Variants in EFHC1 observed in about 807,000 individuals in gnomAD.
The protein encoded by EFHC1 is EF-hand domain containing 1.
EFHC1 carries 53 observed loss-of-function variants against 69.9 expected under a neutral mutation model. The observed-to-expected ratio is 0.76, with a 90% CI of 0.61 to 0.95. EFHC1 has a LOEUF of 0.95. Ranked by LOEUF, EFHC1 falls within the 40% of genes least tolerant of loss-of-function variation. The probability of loss-of-function intolerance (pLI) is 0.00; values close to 1 mark genes in which losing one functional copy is unlikely to be tolerated. For synonymous variants in EFHC1, 256 were observed against 278.4 expected (o/e 0.92, Z 0.80); for missense variants, 739 against 798.7 (o/e 0.93, Z 0.90).
intron 7 of EFHC1, among the ~76,000 whole-genome samples, chr6:52,475,701 A>G (rs1334430255): frequency 1.3e-5 from 2 of 152,212 alleles, no homozygotes; most frequent in Non-Finnish European, 2.9e-5. Context: ...CTATATTTAT[A>G]TAGAAGAACA....
chr6:52,452,379 C>A (rs1429682210), intron 3 of EFHC1, among the ~76,000 whole-genome samples: 1 of 152,180 alleles, frequency 6.6e-6, no homozygotes, highest in Admixed American at 6.5e-5. Flanking sequence ...TGGCTCACTG[C>A]AGCCTTGACC....
rs16882561 is a variant in EFHC1, at chr6:52,464,712, G to A, written c.917-183G>A. ...ACAAAAACCGTATTATGTACGTGTCGTATCAACAGATGGAAATACACAGCC... is the reference window on the plus strand; with the variant it reads ...ACAAAAACCGTATTATGTACGTGTCATATCAACAGATGGAAATACACAGCC... On this transcript the variant is annotated intron_variant, in intron 5 of 10. Transcript: ENST00000371068. 0.072 allele frequency among the ~76,000 whole-genome samples: 10,938 copies of A among 152,176 alleles called. 793 individuals carry two copies. The highest frequency in any genetic ancestry group is 0.18 in the African/African-American group (7,603 of 41,478).
Position 52,495,576 on chromosome 6 carries a change from C to T in EFHC1, c.*3235C>T, listed in dbSNP as rs1392614471. Reference sequence around the variant, plus strand: ...TTAGCATCCTCTAGCCTGCTTTTGGCTGTTTTGTTTTGTTTTTGTGTTTGT... The same window carrying T: ...TTAGCATCCTCTAGCCTGCTTTTGGTTGTTTTGTTTTGTTTTTGTGTTTGT... On this transcript the variant is annotated 3_prime_UTR_variant, in exon 11 of 11. Transcript: ENST00000371068. The T allele has an allele frequency of 4.4e-6, 2 of 453,894 alleles. No individual in the cohort carries two copies. The highest frequency in any genetic ancestry group is 8.8e-6 in the Non-Finnish European group (2 of 226,778). The allele number at this position is 453,894 out of a possible 1,614,324, so 28.1% of individuals were successfully genotyped here.
chr6:52,428,374 T>C lies in EFHC1; in HGVS notation c.285+4207T>C, dbSNP rs1043307330. Reference sequence around the variant, plus strand: ...TTTCCCCCTGAGTCCCCAAAGTTCATTGTGTCATTCTTATGCCTTTGCATC... The same window carrying C: ...TTTCCCCCTGAGTCCCCAAAGTTCACTGTGTCATTCTTATGCCTTTGCATC... On this transcript the variant is annotated intron_variant, in intron 2 of 10. Transcript: ENST00000371068. 17 of 151,736 alleles carry C rather than the reference T, an allele frequency of 1.1e-4. 1 individual carries two copies. Among genetic ancestry groups the C allele is most frequent in the Admixed American group, 5.3e-4 (8 of 15,214 alleles). 9.4% of individuals were successfully genotyped at this position (151,736 alleles called of 1,614,324 possible).
intron 9 of EFHC1, chr6:52,481,872 T>C (rs1765684675): frequency 6.6e-6 from 1 of 152,048 alleles, no homozygotes; most frequent in Non-Finnish European, 1.5e-5. Context: ...AGAACTAAGC[T>C]CTGGGGTCCA....
At chr6:52,451,366 A>G (rs1287185878) in intron 3 of EFHC1, among the ~76,000 whole-genome samples, 5 of 152,184 alleles carry the variant, frequency 3.3e-5, no homozygotes, top group African/African-American at 1.2e-4. Flanking sequence ...TTATCAGAAA[A>G]GGATCTTATT....
intron 2 of EFHC1, among the ~76,000 whole-genome samples, chr6:52,437,060 C>T (rs1189566051): frequency 6.6e-6 from 1 of 152,080 alleles, no homozygotes; most frequent in Non-Finnish European, 1.5e-5. Context: ...TTCCTGAGCA[C>T]AAGGAGGGTA....
At chr6:52,475,092 A>C (rs1462247421) in intron 7 of EFHC1, among the ~76,000 whole-genome samples, 1 of 151,998 alleles carries the variant, frequency 6.6e-6, no homozygotes, top group Non-Finnish European at 1.5e-5. Context: ...ATTAGTAAAG[A>C]AATAGTGGAT....
At chr6:52,471,436 T>C (rs2114014702) in intron 7 of EFHC1, among the ~76,000 whole-genome samples, 1 of 152,300 alleles carries the variant, frequency 6.6e-6, no homozygotes, top group Admixed American at 6.5e-5. Context: ...ATTTTAAAAA[T>C]ACAATGTGTG....
intron 10 of EFHC1, among the ~76,000 whole-genome samples, chr6:52,491,771 G>A (rs990850349): frequency 1.3e-5 from 2 of 152,228 alleles, no homozygotes; most frequent in African/African-American, 4.8e-5. Flanking sequence ...AACCGCCCGA[G>A]CTGCTACAGC....
chr6:52,491,435 A>T (rs1427621685), intron 10 of EFHC1, among the ~76,000 whole-genome samples: 3 of 152,152 alleles, frequency 2.0e-5, no homozygotes, highest in Non-Finnish European at 4.4e-5. Context: ...GCATAACCAG[A>T]CCCTTCCGTT....
chr6:52,421,159 C>G, intron 1 of EFHC1: 4 of 592,938 alleles, frequency 6.7e-6, no homozygotes, highest in Non-Finnish European at 8.5e-6. Flanking sequence ...CATCCTCTCC[C>G]CATTCCTTTC....
Position 52,454,075 on chromosome 6 carries a change from C to T in EFHC1, c.724-20C>T. 6.2e-7 allele frequency: 1 copy of T among 1,612,174 alleles called. No homozygotes were observed. The highest frequency in any genetic ancestry group is 8.5e-7 in the Non-Finnish European group (1 of 1,179,836). ...CCCTACTTTTAGGATTCTTGAGTCA[C>T]TACTTTGGATTCTTCAAAGGTCCTT... is the stretch of plus-strand genomic sequence containing the variant. On this transcript the variant is annotated intron_variant, in intron 4 of 10. Coordinates refer to ENST00000371068, the MANE Select transcript of EFHC1 (RefSeq NM_018100.4).
rs1562467483 is a variant in EFHC1, at chr6:52,493,346, C to T, written c.*1005C>T. ...ATTGTGTGAGCAATTTCTTATAACT[C>T]TCTCTTTCTCTCTCTCTACATATAT... On this transcript the variant is annotated 3_prime_UTR_variant, in exon 11 of 11. Coordinates refer to ENST00000371068, the MANE Select transcript of EFHC1 (RefSeq NM_018100.4). The T allele has an allele frequency of 3.3e-6, 1 of 307,682 alleles. No individual in the cohort carries two copies. The highest frequency in any genetic ancestry group is 6.3e-6 in the Non-Finnish European group (1 of 158,746). The allele number at this position is 307,682 out of a possible 1,614,324, so 19.1% of individuals were successfully genotyped here.
chr6:52,423,280 G>A (rs1385965667), intron 1 of EFHC1, among the ~76,000 whole-genome samples: 2 of 151,968 alleles, frequency 1.3e-5, no homozygotes, highest in Non-Finnish European at 2.9e-5. Flanking sequence ...CAGTTTTTAC[G>A]GCCCCAGATA....
chr6:52,464,819 C>G lies in EFHC1; in HGVS notation c.917-76C>G. The stretch of plus-strand genomic sequence containing the variant: ...GCACTCCCTCAGGTTCTCAAGAATG[C>G]CTGGCAGTTGTGTGTCAAGTCTTTC... On this transcript the variant is annotated intron_variant, in intron 5 of 10. Coordinates refer to ENST00000371068, the MANE Select transcript of EFHC1 (RefSeq NM_018100.4). 3.8e-6 allele frequency: 5 copies of G among 1,299,888 alleles called. No individual in the cohort carries two copies. In the South Asian group the frequency reaches 6.0e-5, roughly 16 times the overall value. The allele number at this position is 1,299,888 out of a possible 1,614,324, so 80.5% of individuals were successfully genotyped here. A position where few individuals can be genotyped will look rare whatever the true frequency, so the allele number is the denominator to read the frequency against.
chr6:52,458,267 G>A (rs1165839317), intron 5 of EFHC1, among the ~76,000 whole-genome samples: 2 of 148,074 alleles, frequency 1.4e-5, no homozygotes, highest in African/African-American at 5.0e-5. Context: ...CAGAGCAGGG[G>A]GAAAAAAAAA....
chr6:52,454,879 C>T (rs1765005232), intron 5 of EFHC1, among the ~76,000 whole-genome samples: 1 of 152,016 alleles, frequency 6.6e-6, no homozygotes, highest in African/African-American at 2.4e-5. Flanking sequence ...ATTGCTTGAG[C>T]CCAAGAGTTT....
At chr6:52,453,388 A>G (rs1363580508) in intron 4 of EFHC1, 2 of 1,287,118 alleles carry the variant, frequency 1.6e-6, no homozygotes, top group African/African-American at 1.5e-5. Context: ...GCTGATGTGT[A>G]TAAGCAGATT....
Sources: gnomAD v4.1 joint callset for allele counts (sites outside exome capture counted in the v4.1 genomes callset) on GRCh38, gnomAD v4.1.1 for gene constraint, MANE v1.5 for transcripts, NCBI Gene and HGNC (gene_info 2026-07-23, HGNC 2026-07-21) for gene names.